The following EYS variants were observed in gnomAD, a reference collection of about 807,000 sequenced individuals.
EYS encodes EGF-like photoreceptor maintenance factor, also known as protein eyes shut homolog.
In EYS, 250 loss-of-function variants were observed where a neutral mutation model predicts 282.1. The observed-to-expected ratio is 0.89, with a 90% confidence interval of 0.80 to 0.98. The LOEUF (loss-of-function observed/expected upper bound fraction) is 0.98, where lower values mean the gene tolerates loss of function less well. Among genes scored for constraint, EYS ranks in the 50% least tolerant of loss-of-function variants. EYS has a pLI of 0.00. For missense variants in EYS, 4,016 were observed against 3,709.0 expected (o/e 1.08, Z -2.15); for synonymous variants, 1,355 against 1,282.9 (o/e 1.06, Z -1.20).
chr6:63,949,848 T>G (rs1430266541), intron 35 of EYS, among the ~76,000 whole-genome samples: 1 of 152,172 alleles, frequency 6.6e-6, no homozygotes, highest in African/African-American at 2.4e-5. Context: ...GTCAATGTCC[T>G]TATAAAACAA....
intron 32 of EYS, among the ~76,000 whole-genome samples, chr6:64,075,741 A>T (rs997986450): frequency 2.0e-5 from 3 of 151,978 alleles, no homozygotes; most frequent in African/African-American, 4.8e-5. Flanking sequence ...CATTATCTGA[A>T]TAAGTCACTT....
At chr6:64,578,468 G>A (rs776494658) in intron 26 of EYS, among the ~76,000 whole-genome samples, 3 of 151,888 alleles carry the variant, frequency 2.0e-5, no homozygotes, top group Admixed American at 6.6e-5. Flanking sequence ...AGTTGTCTTC[G>A]TCAAAGAGAT....
chr6:63,815,909 A>G (rs1389946913), intron 36 of EYS, among the ~76,000 whole-genome samples: 2 of 152,178 alleles, frequency 1.3e-5, no homozygotes, highest in Non-Finnish European at 2.9e-5. Context: ...GATTTATCAA[A>G]AAGCAGTATG....
chr6:64,735,390 T>G (rs1772154150), intron 22 of EYS, among the ~76,000 whole-genome samples: 1 of 152,214 alleles, frequency 6.6e-6, no homozygotes, highest in African/African-American at 2.4e-5. Context: ...GCCAGTTTTC[T>G]GACCTTTTTT....
At chr6:65,040,209 T>C (rs1431548397) in intron 13 of EYS, among the ~76,000 whole-genome samples, 2 of 151,826 alleles carry the variant, frequency 1.3e-5, no homozygotes, top group Non-Finnish European at 1.5e-5. Flanking sequence ...AACAAAAATT[T>C]ATTGTTTCAC....
At chr6:63,865,988 C>A (rs1180414066) in intron 35 of EYS, among the ~76,000 whole-genome samples, 1 of 152,064 alleles carries the variant, frequency 6.6e-6, no homozygotes, top group Non-Finnish European at 1.5e-5. Context: ...CATTTTATAA[C>A]CTTCATGGAA....
intron 31 of EYS, among the ~76,000 whole-genome samples, chr6:64,171,810 G>T (rs145601002): frequency 0.02 from 3,003 of 152,098 alleles, 33 homozygotes; most frequent in Non-Finnish European, 0.032. Flanking sequence ...TTTTATCAGG[G>T]TTCTATACCC....
intron 11 of EYS, among the ~76,000 whole-genome samples, chr6:65,318,917 C>A (rs910799381): frequency 3.3e-5 from 5 of 151,048 alleles, no homozygotes; most frequent in African/African-American, 1.2e-4. Context: ...GCTGGGATTA[C>A]CGTCGTGAGC....
chr6:64,886,904 GA>G, intron 18 of EYS, 62 bp from the exon 19 acceptor site: 1 of 940,200 alleles, frequency 1.1e-6, no homozygotes, highest in African/African-American at 1.8e-5. Context: ...TATTATATAT[GA>G]TTCATATTTA....
At chr6:64,171,962 G>A (rs79171362) in intron 31 of EYS, among the ~76,000 whole-genome samples, 5,664 of 152,252 alleles carry the variant, frequency 0.037, 140 homozygotes, top group Non-Finnish European at 0.061. Context: ...CTTCAGGCAG[G>A]AGGACTGAAA....
At chr6:64,029,317 G>C (rs2149827388) in intron 33 of EYS, among the ~76,000 whole-genome samples, 1 of 152,304 alleles carries the variant, frequency 6.6e-6, no homozygotes, top group Admixed American at 6.5e-5. Context: ...GCAAAAGGCT[G>C]GCCTCACTGT....
intron 37 of EYS, among the ~76,000 whole-genome samples, chr6:63,791,439 G>A (rs1205350924): frequency 2.0e-5 from 3 of 152,064 alleles, no homozygotes; most frequent in African/African-American, 7.2e-5. Context: ...TTAGCCGGGC[G>A]TGGTGGCGCA....
intron 31 of EYS, among the ~76,000 whole-genome samples, chr6:64,083,796 GGTGCAATC>G (rs1430123053): frequency 1.3e-5 from 2 of 152,200 alleles, no homozygotes; most frequent in African/African-American, 4.8e-5. Flanking sequence ...GGAGTGCAAT[GGTGCAATC>G]TTGGCTCACT....
chr6:64,506,552 G>A (rs1777211226), intron 26 of EYS, among the ~76,000 whole-genome samples: 1 of 152,140 alleles, frequency 6.6e-6, no homozygotes, highest in Non-Finnish European at 1.5e-5. Flanking sequence ...ACTCTGCTGA[G>A]AAGTGAATGT....
intron 26 of EYS, among the ~76,000 whole-genome samples, chr6:64,543,150 A>C (rs978769418): frequency 6.6e-6 from 1 of 152,100 alleles, no homozygotes; most frequent in Non-Finnish European, 1.5e-5. Flanking sequence ...TTTTATTGCC[A>C]TTAATTTATA....
chr6:64,774,170 G>A (rs578132378), intron 22 of EYS, among the ~76,000 whole-genome samples: 80 of 152,042 alleles, frequency 5.3e-4, no homozygotes, highest in Non-Finnish European at 8.2e-4. Context: ...TTCTACCCAC[G>A]TGATCCTGGT....
intron 35 of EYS, among the ~76,000 whole-genome samples, chr6:63,981,380 A>C (rs959635756): frequency 5.3e-5 from 8 of 151,800 alleles, no homozygotes; most frequent in Non-Finnish European, 1.2e-4. Flanking sequence ...AGAATTAAAA[A>C]AAAATTGTTG....
intron 16 of EYS, among the ~76,000 whole-genome samples, chr6:64,908,027 T>C (rs758947960): frequency 6.6e-6 from 1 of 152,154 alleles, no homozygotes; most frequent in Non-Finnish European, 1.5e-5. Context: ...GAAACATAAC[T>C]AAAAGTTGTC....
chr6:64,633,626 C>CAA (rs58815312), intron 22 of EYS, among the ~76,000 whole-genome samples: 334 of 140,570 alleles, frequency 2.4e-3, no homozygotes, highest in Non-Finnish European at 3.7e-3. Context: ...CTTTTCTCAG[C>CAA]AAAAAAAAAA....
Sources: allele counts gnomAD v4.1 joint callset (sites outside exome capture counted in the v4.1 genomes callset), GRCh38; gene constraint gnomAD v4.1.1; transcripts MANE v1.5; gene names NCBI Gene and HGNC (gene_info 2026-07-23, HGNC 2026-07-21).